The following ARMC9 variants were observed in gnomAD, a reference collection of about 807,000 sequenced individuals.
ARMC9 encodes the protein armadillo repeat containing 9.
A neutral mutation model predicts 107.0 loss-of-function variants in ARMC9; 94 were observed. The ratio of observed to expected loss-of-function variants is 0.88; its 90% CI spans 0.74 to 1.04. ARMC9 has a LOEUF of 1.04. Ranked by LOEUF, ARMC9 falls within the 50% of genes least tolerant of loss-of-function variation. ARMC9 has a pLI of 0.00. For synonymous variants in ARMC9, 380 were observed against 396.9 expected, an observed-to-expected ratio of 0.96 and a Z score of 0.51; for missense variants, 942 against 1,030.1, an observed-to-expected ratio of 0.91 and a Z score of 1.17.
intron 19 of ARMC9, among the ~76,000 whole-genome samples, chr2:231,299,266 A>G (rs573853332): frequency 1.4e-4 from 21 of 152,360 alleles, no homozygotes; most frequent in Admixed American, 3.9e-4. Context: ...AAAGGAAATC[A>G]TAAAGTAATT....
At chr2:231,348,176 T>A (rs1387389670) in intron 21 of ARMC9, among the ~76,000 whole-genome samples, 10 of 152,230 alleles carry the variant, frequency 6.6e-5, no homozygotes. Context: ...GATGGATGAT[T>A]CTGGATAATC....
intron 19 of ARMC9, among the ~76,000 whole-genome samples, chr2:231,308,649 A>G (rs186889617): frequency 2.0e-5 from 3 of 152,328 alleles, no homozygotes; most frequent in Admixed American, 6.5e-5. Context: ...GAGGCACAAC[A>G]AGATGATGTG....
At chr2:231,246,802 G>C (rs578060379) in intron 9 of ARMC9, among the ~76,000 whole-genome samples, 1 of 152,030 alleles carries the variant, frequency 6.6e-6, no homozygotes, top group Non-Finnish European at 1.5e-5. Context: ...ACATTCCCAC[G>C]AACACATACA....
intron 16 of ARMC9, 29 bp downstream of exon 16, chr2:231,278,487 C>G: frequency 6.2e-7 from 1 of 1,604,876 alleles, no homozygotes; most frequent in South Asian, 1.1e-5. Flanking sequence ...TGGCCCTGGG[C>G]TCGGGGAGGC....
chr2:231,228,117 G>A lies in ARMC9; in HGVS notation c.622+1319G>A, dbSNP rs1439630645. Among the ~76,000 whole-genome samples, 5 of 152,308 alleles carry A rather than the reference G, an allele frequency of 3.3e-5. No homozygotes were observed. The South Asian group carries it at 6.2e-4, about 19-fold the overall frequency. On this transcript the variant is annotated intron_variant, in intron 7 of 24. Coordinates refer to ENST00000611582, the MANE Select transcript of ARMC9 (RefSeq NM_001352754.2). ...CTAGGCCCAGGCCTGGCCACGGTGC[G>A]TCCCGGGCCAGTTTGCTCACATCCA...
At chr2:231,368,407 C>G (rs770638860) in intron 23 of ARMC9, among the ~76,000 whole-genome samples, 56 of 152,080 alleles carry the variant, frequency 3.7e-4, no homozygotes, top group Admixed American at 2.0e-4. Context: ...AGGAGAACAT[C>G]CATTTATTAA....
chr2:231,330,581 C>A (rs941521189), intron 19 of ARMC9, among the ~76,000 whole-genome samples: 13 of 152,282 alleles, frequency 8.5e-5, no homozygotes, highest in East Asian at 5.8e-4. Context: ...TACCACCCAG[C>A]AGGGATGAAA....
intron 21 of ARMC9, among the ~76,000 whole-genome samples, chr2:231,349,674 G>A (rs80159279): frequency 0.013 from 1,925 of 152,068 alleles, 44 homozygotes; most frequent in African/African-American, 0.044. Context: ...CCAGCTCCTC[G>A]GGAGGCTGAG....
chr2:231,214,985 A>C lies in ARMC9; in HGVS notation c.332A>C (p.Tyr111Ser). 6.2e-7 allele frequency: 1 copy of C among 1,613,794 alleles called. No homozygotes were observed. Among genetic ancestry groups the C allele is most frequent in the Non-Finnish European group, 8.5e-7 (1 of 1,179,954 alleles). ...HIHFAIYLLKYSVGRPDKEEL... is the reference protein window; with the variant it reads ...HIHFAIYLLKSSVGRPDKEEL... ...CATTTTGCCATCTATCTTTTGAAGTACTCTGTGGGGAGACCGGTGGGTTTA... is the reference window on the plus strand; with the variant it reads ...CATTTTGCCATCTATCTTTTGAAGTCCTCTGTGGGGAGACCGGTGGGTTTA... The change falls in exon 4 of 25, where the codon TAC (tyrosine) becomes TCC (serine). Residue 111 changes from tyrosine (Y) to serine (S), a missense_variant. Coordinates refer to ENST00000611582, the MANE Select transcript of ARMC9 (RefSeq NM_001352754.2).
chr2:231,222,805 G>A lies in ARMC9; in HGVS notation c.582G>A (p.Lys194=). 1.3e-6 allele frequency: 2 copies of A among 1,585,304 alleles called. No homozygotes were observed. The highest frequency in any genetic ancestry group is 1.7e-4 in the Middle Eastern group (1 of 5,972). Residue 194 remains lysine (K), a synonymous_variant, in exon 6 of 25, where the codon AAG becomes AAA. Transcript: ENST00000611582. ...ALISKASNTP[K]LLTIYKENGQ... is the part of the protein sequence containing the mutation. Reference sequence around the variant, plus strand: ...TATCTAAAGCCAGCAACACGCCAAAGCTTTTAACAATATATGTATCCTTTT... The same window carrying A: ...TATCTAAAGCCAGCAACACGCCAAAACTTTTAACAATATATGTATCCTTTT...
At chr2:231,296,648 G>A (rs1000605560) in intron 19 of ARMC9, among the ~76,000 whole-genome samples, 3 of 152,192 alleles carry the variant, frequency 2.0e-5, no homozygotes, top group African/African-American at 7.2e-5. Context: ...CTGGCGTGAG[G>A]GGTCCTGGGT....
intron 19 of ARMC9, among the ~76,000 whole-genome samples, chr2:231,315,439 T>A (rs34417283): frequency 0.12 from 17,744 of 151,952 alleles, 2,173 homozygotes; most frequent in East Asian, 0.31. Flanking sequence ...CTCAGGAGGC[T>A]GAGGCAGGAG....
intron 21 of ARMC9, among the ~76,000 whole-genome samples, chr2:231,348,166 G>A (rs144783777): frequency 6.6e-6 from 1 of 152,364 alleles, no homozygotes; most frequent in African/African-American, 2.4e-5. Context: ...AGGATCTAGA[G>A]ATGGATGATT....
intron 19 of ARMC9, among the ~76,000 whole-genome samples, chr2:231,303,832 AG>A (rs1052343800): frequency 1.3e-5 from 2 of 152,160 alleles, no homozygotes; most frequent in Non-Finnish European, 2.9e-5. Flanking sequence ...AGCTACTCAG[AG>A]GCTGAGGCAT....
intron 12 of ARMC9, chr2:231,270,567 C>T (rs745806038): frequency 5.8e-5 from 27 of 466,052 alleles, no homozygotes; most frequent in South Asian, 2.5e-4. Context: ...TATCGTTTCT[C>T]GTGCTGTTCT....
At chr2:231,251,079 G>A (rs996745181) in intron 9 of ARMC9, among the ~76,000 whole-genome samples, 8 of 152,176 alleles carry the variant, frequency 5.3e-5, no homozygotes, top group Non-Finnish European at 8.8e-5. Flanking sequence ...TGGAGAGAAG[G>A]TAGCAGCTGT....
At chr2:231,224,621 C>G (rs541961534) in intron 6 of ARMC9, among the ~76,000 whole-genome samples, 89 of 152,276 alleles carry the variant, frequency 5.8e-4, no homozygotes, top group Middle Eastern at 3.4e-3. Flanking sequence ...TCATCCTGTT[C>G]CACATGCTTT....
chr2:231,206,104 T>C, intron 1 of ARMC9, 94 bp from the exon 2 acceptor site: 1 of 760,878 alleles, frequency 1.3e-6, no homozygotes, highest in Non-Finnish European at 2.3e-6. Flanking sequence ...CATGGATGTC[T>C]TTGGGGGCCA....
chr2:231,320,558 CAAA>C (rs59261270), intron 19 of ARMC9, among the ~76,000 whole-genome samples: 4 of 96,098 alleles, frequency 4.2e-5, no homozygotes, highest in African/African-American at 3.2e-5. Context: ...CCCTCATGGA[CAAA>C]AAAAAAAAAA....
Sources: allele counts gnomAD v4.1 joint callset (sites outside exome capture counted in the v4.1 genomes callset), GRCh38; gene constraint gnomAD v4.1.1; transcripts MANE v1.5; gene names NCBI Gene and HGNC (gene_info 2026-07-23, HGNC 2026-07-21).